The following TENM1 variants were observed in gnomAD, a reference collection of about 807,000 sequenced individuals.
The protein encoded by TENM1 is teneurin-1.
Under a neutral mutation model 174.8 loss-of-function variants are expected in TENM1, and 35 were observed. The observed-to-expected ratio is 0.20, with a 90% CI of 0.15 to 0.27. TENM1 has a LOEUF of 0.27. Ranked by LOEUF, TENM1 falls within the 10% of genes least tolerant of loss-of-function variation. TENM1 has a pLI of 1.00. For synonymous variants in TENM1, 781 were observed against 798.7 expected (o/e 0.98, Z 0.37); for missense variants, 1,633 against 2,130.1 (o/e 0.77, Z 4.59).
intron 3 of TENM1, among the ~76,000 whole-genome samples, chrX:124,752,570 G>A (rs146792594): frequency 0.013 from 1,463 of 111,782 alleles, 15 homozygotes; most frequent in African/African-American, 0.045. Flanking sequence ...CCTTGCTCAT[G>A]CCTATGTCCT....
the TENM1 span, among the ~76,000 whole-genome samples, chrX:125,133,907 G>A: frequency 8.9e-6 from 1 of 111,940 alleles, no homozygotes. Flanking sequence ...TTTCTGAAAA[G>A]CCTATTGCCC....
intron 11 of TENM1, among the ~76,000 whole-genome samples, chrX:124,588,181 C>T (rs1012207017): frequency 3.8e-4 from 42 of 111,369 alleles, no homozygotes; most frequent in Non-Finnish European, 7.2e-4. Context: ...CCCAGCCATC[C>T]CATTACTGGG....
chrX:125,155,524 C>G, the TENM1 span, among the ~76,000 whole-genome samples: 1 of 108,383 alleles, frequency 9.2e-6, no homozygotes, highest in Non-Finnish European at 1.9e-5. Context: ...CAGGGGGTGG[C>G]GCTCGTCGGG....
At position 124,525,389 on chromosome X, in the gene TENM1, G is replaced by A. The variant is rs181819770; in HGVS notation, c.2772-1764C>T. On this transcript the variant is annotated intron_variant, in intron 16 of 31. Coordinates refer to ENST00000422452, the Ensembl canonical transcript of TENM1. ...CAGTTTAAGGCAAGTGTAGTGGGGAGAATCTGACACTACTTGTCAAGAAAC... is the reference window on the plus strand; with the variant it reads ...CAGTTTAAGGCAAGTGTAGTGGGGAAAATCTGACACTACTTGTCAAGAAAC... Among the ~76,000 whole-genome samples the A allele has an allele frequency of 6.6e-3, 743 of 112,201 alleles. 4 individuals are homozygous for A. Among genetic ancestry groups the A allele is most frequent in the African/African-American group, 0.023 (708 of 30,959 alleles).
upstream of TENM1, among the ~76,000 whole-genome samples, chrX:124,964,990 C>A (rs190093284): frequency 8.9e-6 from 1 of 112,182 alleles, no homozygotes; most frequent in African/African-American, 3.2e-5. Flanking sequence ...TTATGCCAAG[C>A]ACATAGAACA....
rs1236848728 is a variant in TENM1 at position 124,904,557 on chromosome X, G to T, written c.218-8316C>A. Among the ~76,000 whole-genome samples the T allele has an allele frequency of 3.6e-5, 4 of 112,419 alleles. No individual in the cohort carries two copies. In the Admixed American group the frequency reaches 3.8e-4, roughly 11 times the overall value. On this transcript the variant is annotated intron_variant, in intron 1 of 31. Transcript: ENST00000422452. ...TGTTATTTTGGTAAATTAGCTGTCTGTTTCAAATAACAGATGTTCCACAAA... is the reference window on the plus strand; with the variant it reads ...TGTTATTTTGGTAAATTAGCTGTCTTTTTCAAATAACAGATGTTCCACAAA...
At chrX:124,889,133 A>G (rs1397212162) in intron 3 of TENM1, among the ~76,000 whole-genome samples, 2 of 111,736 alleles carry the variant, frequency 1.8e-5, no homozygotes, top group African/African-American at 3.3e-5. Context: ...TTAGCTTTCA[A>G]TCCTCTCTAG....
intron 11 of TENM1, among the ~76,000 whole-genome samples, chrX:124,632,015 C>G (rs2283763): frequency 9.7e-6 from 1 of 103,276 alleles, no homozygotes; most frequent in African/African-American, 3.6e-5. Flanking sequence ...CGGGTTCAAG[C>G]AATTCTCCTG....
the TENM1 span, among the ~76,000 whole-genome samples, chrX:125,089,460 G>A: frequency 2.7e-5 from 3 of 111,921 alleles, no homozygotes; most frequent in South Asian, 1.1e-3. Context: ...TCCCCTAAGG[G>A]TATAGTAAAC....
At chrX:124,379,692 A>T (rs1400084597) in exon 32 of TENM1, 1 of 112,331 alleles carries the variant, frequency 8.9e-6, no homozygotes, top group East Asian at 2.8e-4. Context: ...ACTAATGTGA[A>T]ACTATGACCA....
intron 22 of TENM1, among the ~76,000 whole-genome samples, chrX:124,470,003 A>G (rs1344898392): frequency 9.0e-6 from 1 of 111,583 alleles, no homozygotes; most frequent in Non-Finnish European, 1.9e-5. Context: ...GTTTATATTG[A>G]GAGCTGCTGA....
At chrX:124,809,845 A>G (rs934566330) in intron 3 of TENM1, among the ~76,000 whole-genome samples, 1 of 90,705 alleles carries the variant, frequency 1.1e-5, no homozygotes, top group African/African-American at 4.9e-5. Flanking sequence ...TGACAGCAGG[A>G]GAGAGAGAGA....
At chrX:124,890,349 T>C (rs1252466430) in intron 3 of TENM1, among the ~76,000 whole-genome samples, 3 of 111,669 alleles carry the variant, frequency 2.7e-5, no homozygotes, top group Non-Finnish European at 5.6e-5. Flanking sequence ...CTGAGGTTGA[T>C]ACTTAAGTAG....
intron 15 of TENM1, among the ~76,000 whole-genome samples, chrX:124,545,094 T>C (rs970802209): frequency 5.4e-5 from 6 of 112,062 alleles, no homozygotes; most frequent in Admixed American, 9.5e-5. Context: ...TCAGCTACTT[T>C]CCTCACGAAA....
rs1454254455 is a variant in TENM1, at chrX:124,642,979, AGAGT to A, written c.1877-992_1877-989del. Among the ~76,000 whole-genome samples the A allele has an allele frequency of 2.7e-5, 3 of 112,133 alleles. No individual in the cohort carries two copies. The East Asian group carries it at 8.4e-4, about 31-fold the overall frequency. The stretch of plus-strand genomic sequence containing the variant: ...AGGGTGTGGCTTGGGTCTGTGGAAC[AGAGT>A]AAGTCTAACTAAGCACTATTATAAT... On this transcript the variant is annotated intron_variant, in intron 10 of 31. Transcript: ENST00000422452.
At chrX:124,595,470 T>C (rs2049868636) in intron 11 of TENM1, among the ~76,000 whole-genome samples, 1 of 112,142 alleles carries the variant, frequency 8.9e-6, no homozygotes, top group Admixed American at 9.5e-5. Context: ...TCCAATTATG[T>C]AAAATATTCT....
chrX:124,679,262 C>T (rs2052171103), intron 5 of TENM1, among the ~76,000 whole-genome samples: 1 of 112,158 alleles, frequency 8.9e-6, no homozygotes, highest in African/African-American at 3.2e-5. Flanking sequence ...CAGCATTCTC[C>T]CCCTACTAGT....
At chrX:124,669,060 T>C (rs5956673) in intron 6 of TENM1, among the ~76,000 whole-genome samples, 15,242 of 111,461 alleles carry the variant, frequency 0.14, 2,216 homozygotes, top group African/African-American at 0.44. Flanking sequence ...AACCTCAAGG[T>C]GATTTTCCAA....
At chrX:124,747,858 G>A (rs970238682) in intron 3 of TENM1, among the ~76,000 whole-genome samples, 1 of 110,499 alleles carries the variant, frequency 9.0e-6, no homozygotes, top group Admixed American at 9.6e-5. Context: ...ATGACAACCT[G>A]GATTTGATTC....
Sources: gnomAD v4.1 joint callset for allele counts (sites outside exome capture counted in the v4.1 genomes callset) on GRCh38, gnomAD v4.1.1 for gene constraint, MANE v1.5 for transcripts, NCBI Gene and HGNC (gene_info 2026-07-23, HGNC 2026-07-21) for gene names.